Variants in DMXL1 observed in about 807,000 individuals in gnomAD.
DMXL1 encodes the protein dmX-like protein 1.
Under a neutral mutation model 319.2 loss-of-function variants are expected in DMXL1, and 99 were observed. That is an observed-to-expected ratio of 0.31 (90% CI 0.26 to 0.37). The LOEUF (loss-of-function observed/expected upper bound fraction) is 0.37. Among genes scored for constraint, DMXL1 ranks in the 10% least tolerant of loss-of-function variants. DMXL1 has a pLI of 1.00. For synonymous variants in DMXL1, 1,385 were observed against 1,235.2 expected (o/e 1.12, Z -2.54); for missense variants, 3,745 against 3,595.6 (o/e 1.04, Z -1.06).
In DMXL1 at chr5:119,238,990, C is replaced by T; in HGVS notation, c.8561C>T (p.Thr2854Ile). 6.2e-7 allele frequency: 1 copy of T among 1,613,700 alleles called. No individual in the cohort carries two copies. Among genetic ancestry groups the T allele is most frequent in the Non-Finnish European group, 8.5e-7 (1 of 1,179,860 alleles). Residue 2854 changes from threonine to isoleucine, a missense_variant and splice_region_variant, in exon 41 of 44, where the codon ACT becomes ATT. By Grantham distance (89) the Thr-to-Ile change is moderately conservative. Around this residue, in one of 4 missense-constraint regions of DMXL1, gnomAD observed 262 missense variants for 320.5 expected, o/e 0.82. Coordinates refer to ENST00000539542, the MANE Select transcript of DMXL1 (RefSeq NM_001290321.3). ...VTGSMPKPYLTWQCHNKTAND... is the reference protein window; with the variant it reads ...VTGSMPKPYLIWQCHNKTAND... ...ACGTATTGTTTGTAACCATTCCAGA[C>T]TTGGCAGTGTCATAACAAAACAGCC...
intron 26 of DMXL1, among the ~76,000 whole-genome samples, 168 bp downstream of exon 26, chr5:119,175,505 A>G (rs934772338): frequency 1.3e-5 from 2 of 152,154 alleles, no homozygotes; most frequent in African/African-American, 2.4e-5. Flanking sequence ...TTTATGGCAG[A>G]TGAATCTCAA....
chr5:119,098,142 A>T (rs1277707216), intron 2 of DMXL1, 38 bp downstream of exon 2: 1 of 1,583,484 alleles, frequency 6.3e-7, no homozygotes, highest in African/African-American at 1.4e-5. Context: ...TTTGTTTGGA[A>T]TATGGTTTTT....
intron 34 of DMXL1, among the ~76,000 whole-genome samples, chr5:119,213,262 C>G (rs1268962221): frequency 3.9e-5 from 6 of 152,094 alleles, no homozygotes; most frequent in Non-Finnish European, 1.5e-5. Flanking sequence ...GTGATTTAGC[C>G]TAACCTGCCC....
At chr5:119,106,066 A>G (rs557279704) in intron 4 of DMXL1, among the ~76,000 whole-genome samples, 1 of 152,224 alleles carries the variant, frequency 6.6e-6, no homozygotes, top group East Asian at 1.9e-4. Flanking sequence ...CTATTGTTCC[A>G]TGTGGTAGTG....
rs925531020 is a variant in DMXL1, at chr5:119,171,662, A to T, written c.6490-116A>T. ...ACATCCCTTCTAACTCTAAGTTTCT[A>T]TTATGCTTTTATTTTTTAATTGTTT... On this transcript the variant is annotated intron_variant, in intron 24 of 43. Transcript: ENST00000539542. The T allele has an allele frequency of 3.8e-6, 3 of 796,720 alleles. No homozygotes were observed. In the East Asian group the frequency reaches 8.7e-5, roughly 23 times the overall value. 49.4% of individuals were successfully genotyped at this position (796,720 alleles called of 1,614,324 possible).
intron 32 of DMXL1, 27 bp from the exon 33 acceptor site, chr5:119,203,292 C>A: frequency 7.1e-7 from 1 of 1,413,566 alleles, no homozygotes; most frequent in South Asian, 1.4e-5. Flanking sequence ...TGAAGTTTAT[C>A]ATTAAATTTG....
At position 119,170,701 on chromosome 5, in the gene DMXL1, T is replaced by A. The variant is rs781495437; in HGVS notation, c.5910T>A (p.Ser1970Arg). The A allele has an allele frequency of 4.3e-6, 7 of 1,613,188 alleles. No homozygotes were observed. Among genetic ancestry groups the A allele is most frequent in the Non-Finnish European group, 4.2e-6 (5 of 1,179,774 alleles). ...ACTCTTTAGAGTTAAAATGGGACAG[T>A]GATAATGATGAAGAAAATGAGGATG... The part of the protein sequence containing the change: ...QDDSLELKWD[S>R]DNDEENEDVP... The change falls in exon 24 of 44, where the codon AGT becomes AGA. Residue 1970 changes from serine to arginine, a missense_variant. This residue lies in a region of DMXL1 where 1,382 missense variants were observed against 1,269.5 expected (regional missense o/e 1.09). Transcript: ENST00000539542.
intron 38 of DMXL1, among the ~76,000 whole-genome samples, chr5:119,229,160 G>GA (rs1238134732): frequency 0.035 from 3,912 of 110,996 alleles, 156 homozygotes; most frequent in African/African-American, 0.12. Context: ...CACAATAAAG[G>GA]AAAAAAAAAA....
chr5:119,133,978 A>C lies in DMXL1; in HGVS notation c.2054A>C (p.Gln685Pro), dbSNP rs773609765. ...ALNIEECSLTQQNKSTVDVAF... is the reference protein window; with the variant it reads ...ALNIEECSLTPQNKSTVDVAF... ...AATATTGAAGAATGCTCTTTGACAC[A>C]ACAAAATAAAAGCACTGTTGACGTG... Residue 685 changes from glutamine (Q) to proline (P), a missense_variant, in exon 12 of 44, where the codon CAA becomes CCA. Around this residue, in one of 4 missense-constraint regions of DMXL1, gnomAD observed 2,096 missense variants for 1,985.4 expected, o/e 1.06. Transcript: ENST00000539542. The C allele has an allele frequency of 1.2e-6, 2 of 1,614,160 alleles. No homozygotes were observed. Among genetic ancestry groups the C allele is most frequent in the Non-Finnish European group, 1.7e-6 (2 of 1,180,028 alleles).
At position 119,149,316 on chromosome 5, in the gene DMXL1, T is replaced by G. The variant is rs376424045; in HGVS notation, c.3489T>G (p.Phe1163Leu). ...ILTVGIGSKL[F>L]MYGPLAGKVQ... ...CTGTAGGAATTGGATCAAAACTTTT[T>G]ATGTATGGACCCCTGGCTGGCAAGG... is the stretch of plus-strand genomic sequence containing the variant. The change falls in exon 18 of 44, where the codon TTT (phenylalanine) becomes TTG (leucine). Residue 1163 changes from phenylalanine (F) to leucine (L), a missense_variant. By Grantham distance (22) the Phe-to-Leu change is conservative (BLOSUM62 0). Coordinates refer to ENST00000539542, the MANE Select transcript of DMXL1 (RefSeq NM_001290321.3). 2 of 1,613,832 alleles carry G rather than the reference T, an allele frequency of 1.2e-6. No homozygotes were observed. Among genetic ancestry groups the G allele is most frequent in the African/African-American group, 2.7e-5 (2 of 74,908 alleles).
At chr5:119,127,124 AT>A in intron 9 of DMXL1, 1 of 160,960 alleles carries the variant, frequency 6.2e-6, no homozygotes. Context: ...GTCAGGTGCC[AT>A]TTTTCTGCTT....
chr5:119,127,349 C>CT (rs371183556), intron 9 of DMXL1: 23,245 of 135,104 alleles, frequency 0.17, 2,126 homozygotes, highest in South Asian at 0.21. Flanking sequence ...GTCCTTTATC[C>CT]TTTTTTTTTT....
At chr5:119,242,427 G>A (rs1244769745) in intron 42 of DMXL1, among the ~76,000 whole-genome samples, 2 of 152,188 alleles carry the variant, frequency 1.3e-5, no homozygotes, top group South Asian at 2.1e-4. Flanking sequence ...TATGTACAGG[G>A]TGTGTATGCA....
At chr5:119,118,741 C>A in intron 7 of DMXL1, 74 bp from the exon 8 acceptor site, 3 of 1,186,724 alleles carry the variant, frequency 2.5e-6, no homozygotes, top group Non-Finnish European at 3.6e-6. Flanking sequence ...TAAGTAATTA[C>A]AGAAACATCG....
chr5:119,218,564 C>T (rs2150565699), intron 35 of DMXL1, among the ~76,000 whole-genome samples: 1 of 152,244 alleles, frequency 6.6e-6, no homozygotes, highest in South Asian at 2.1e-4. Flanking sequence ...TCAAGCGATT[C>T]TCCTGCCTCA....
chr5:119,198,187 C>A (rs1780003379), intron 32 of DMXL1, among the ~76,000 whole-genome samples: 1 of 152,100 alleles, frequency 6.6e-6, no homozygotes, highest in Admixed American at 6.6e-5. Context: ...TGGGGTTTCA[C>A]CATGTTGGCC....
chr5:119,119,115 T>A, intron 8 of DMXL1, 111 bp downstream of exon 8: 1 of 721,642 alleles, frequency 1.4e-6, no homozygotes, highest in Non-Finnish European at 2.1e-6. Flanking sequence ...AAATAATTCT[T>A]AGAAAATTTT....
intron 28 of DMXL1, among the ~76,000 whole-genome samples, chr5:119,186,279 T>C (rs1258862663): frequency 6.6e-6 from 1 of 152,144 alleles, no homozygotes; most frequent in Non-Finnish European, 1.5e-5. Context: ...TTGTTGTTTG[T>C]TTTGTTGTTG....
intron 37 of DMXL1, among the ~76,000 whole-genome samples, chr5:119,221,663 C>A (rs1473597680): frequency 6.6e-6 from 1 of 152,044 alleles, no homozygotes; most frequent in African/African-American, 2.4e-5. Flanking sequence ...AAAACACTTG[C>A]TATCCAGTCC....
Sources: gnomAD v4.1 joint callset for allele counts (sites outside exome capture counted in the v4.1 genomes callset) on GRCh38, gnomAD v4.1.1 for gene constraint, gnomAD v4.1.1 regional missense constraint, MANE v1.5 for transcripts, NCBI Gene and HGNC (gene_info 2026-07-23, HGNC 2026-07-21) for gene names.